The following RIMS2 variants were observed in gnomAD, a reference collection of about 807,000 sequenced individuals.
The protein encoded by RIMS2 is regulating synaptic membrane exocytosis 2, also known as regulating synaptic membrane exocytosis protein 2.
A neutral mutation model predicts 174.4 loss-of-function variants in RIMS2; 59 were observed. The ratio of observed to expected loss-of-function variants is 0.34; its 90% CI spans 0.27 to 0.42. The LOEUF is 0.42. Among genes scored for constraint, RIMS2 ranks in the 10% least tolerant of loss-of-function variants. The probability of loss-of-function intolerance (pLI) is 1.00; values close to 1 mark genes in which losing one functional copy is unlikely to be tolerated. For missense variants in RIMS2, 1,620 were observed against 1,666.3 expected (o/e 0.97, Z 0.48); for synonymous variants, 606 against 572.5 (o/e 1.06, Z -0.84).
rs979976109 is a variant in RIMS2 at position 103,560,600 on chromosome 8, T to C, written c.176+59538T>C. On this transcript the variant is annotated intron_variant, in intron 1 of 23. Transcript: ENST00000504942. ...TTGACTCAAGGAAAGGATGGAAAGG[T>C]AGCTCATATAATAATTCAAGTGTTT... 3.3e-5 allele frequency among the ~76,000 whole-genome samples: 5 copies of C among 152,292 alleles called. No individual in the cohort carries two copies. In the East Asian group the frequency reaches 9.6e-4, roughly 29 times the overall value.
intron 15 of RIMS2, among the ~76,000 whole-genome samples, chr8:103,965,615 A>T (rs1288735525): frequency 6.6e-6 from 1 of 152,016 alleles, no homozygotes; most frequent in African/African-American, 2.4e-5. Context: ...TTTCTCCCTA[A>T]TCTGTATGCA....
intron 17 of RIMS2, among the ~76,000 whole-genome samples, chr8:103,995,151 T>C (rs968333221): frequency 2.8e-4 from 43 of 152,108 alleles, no homozygotes; most frequent in African/African-American, 9.9e-4. Context: ...TATAATTATA[T>C]GAACCACTGC....
At chr8:103,686,812 G>T (rs997592458) in intron 1 of RIMS2, among the ~76,000 whole-genome samples, 4 of 151,928 alleles carry the variant, frequency 2.6e-5, no homozygotes, top group Non-Finnish European at 5.9e-5. Context: ...GCCCAGGCTG[G>T]AGTACAATGT....
chr8:103,609,645 C>T (rs201133251), intron 1 of RIMS2, among the ~76,000 whole-genome samples: 3 of 152,116 alleles, frequency 2.0e-5, no homozygotes, highest in Non-Finnish European at 4.4e-5. Flanking sequence ...CAGCTTTGTC[C>T]AAGATCAGAT....
intron 19 of RIMS2, among the ~76,000 whole-genome samples, chr8:104,055,759 A>T (rs1325627202): frequency 6.6e-6 from 1 of 152,226 alleles, no homozygotes; most frequent in Admixed American, 6.5e-5. Flanking sequence ...AGCCTAAAAG[A>T]TCCTTCTACA....
chr8:103,735,274 G>T (rs2097671540), intron 2 of RIMS2, among the ~76,000 whole-genome samples: 1 of 152,080 alleles, frequency 6.6e-6, no homozygotes, highest in Admixed American at 6.6e-5. Context: ...AGTTGAATCT[G>T]GCTGATTTTC....
At chr8:104,033,426 TAC>T (rs2096443635) in intron 19 of RIMS2, among the ~76,000 whole-genome samples, 1 of 152,084 alleles carries the variant, frequency 6.6e-6, no homozygotes. Flanking sequence ...TCATGTCCAA[TAC>T]ATGAATATGT....
chr8:104,206,630 C>T (rs1191738801), intron 19 of RIMS2, among the ~76,000 whole-genome samples: 2 of 152,194 alleles, frequency 1.3e-5, no homozygotes, highest in African/African-American at 4.8e-5. Context: ...ACTATTATCT[C>T]CTATTTACAA....
chr8:104,129,192 C>G (rs879938630), intron 19 of RIMS2, among the ~76,000 whole-genome samples: 1 of 151,730 alleles, frequency 6.6e-6, no homozygotes, highest in Non-Finnish European at 1.5e-5. Context: ...TCCAGACCAG[C>G]CTGGGCAACA....
chr8:103,965,920 T>C (rs1371655079), intron 15 of RIMS2, among the ~76,000 whole-genome samples: 1 of 152,126 alleles, frequency 6.6e-6, no homozygotes, highest in African/African-American at 2.4e-5. Context: ...TTTTTTTTTA[T>C]AGCCTGTTGA....
At chr8:103,886,280 T>C (rs2099200679) in intron 4 of RIMS2, 57 bp downstream of exon 7, 1 of 1,417,524 alleles carries the variant, frequency 7.1e-7, no homozygotes, top group Admixed American at 2.2e-5. Flanking sequence ...TTTTTTTTAA[T>C]AGATTGCATT....
chr8:104,114,338 A>T (rs1298663604), intron 19 of RIMS2, among the ~76,000 whole-genome samples: 1 of 151,990 alleles, frequency 6.6e-6, no homozygotes, highest in Admixed American at 6.6e-5. Context: ...TGTGGTTATT[A>T]CACAATTTGG....
intron 19 of RIMS2, among the ~76,000 whole-genome samples, chr8:104,043,911 A>G (rs1305364179): frequency 1.3e-5 from 2 of 151,662 alleles, no homozygotes; most frequent in African/African-American, 4.8e-5. Flanking sequence ...GATGGTAGCA[A>G]CAAGGAAGAA....
intron 2 of RIMS2, among the ~76,000 whole-genome samples, chr8:103,726,649 G>A (rs2097530123): frequency 1.3e-5 from 2 of 149,440 alleles, no homozygotes; most frequent in East Asian, 3.9e-4. Flanking sequence ...AAATTAGAAT[G>A]TTTTTGATGT....
At chr8:103,723,167 A>G (rs2097477402) in intron 2 of RIMS2, among the ~76,000 whole-genome samples, 1 of 152,108 alleles carries the variant, frequency 6.6e-6, no homozygotes. Context: ...TAAAAGGTAA[A>G]CCTTACCAAG....
chr8:104,034,624 C>T (rs951784100), intron 19 of RIMS2, among the ~76,000 whole-genome samples: 1 of 151,878 alleles, frequency 6.6e-6, no homozygotes, highest in Admixed American at 6.6e-5. Context: ...CACCCGCCAC[C>T]ACGCCTGGAT....
chr8:104,029,397 G>T (rs535305332), intron 19 of RIMS2, among the ~76,000 whole-genome samples: 1 of 152,202 alleles, frequency 6.6e-6, no homozygotes, highest in African/African-American at 2.4e-5. Context: ...GACAAAACTT[G>T]CCTAAAGTTA....
intron 14 of RIMS2, among the ~76,000 whole-genome samples, chr8:103,956,186 T>A (rs1333818475): frequency 6.6e-6 from 1 of 152,220 alleles, no homozygotes; most frequent in Non-Finnish European, 1.5e-5. Context: ...CAAAGTAATT[T>A]ATACATTTAA....
intron 19 of RIMS2, among the ~76,000 whole-genome samples, chr8:104,101,074 T>TGA (rs2097885444): frequency 7.0e-6 from 1 of 143,578 alleles, no homozygotes; most frequent in Non-Finnish European, 1.5e-5. Flanking sequence ...ATGTTATATA[T>TGA]TATATTATAT....
Sources: allele counts gnomAD v4.1 joint callset (sites outside exome capture counted in the v4.1 genomes callset), GRCh38; gene constraint gnomAD v4.1.1; transcripts MANE v1.5; gene names NCBI Gene and HGNC (gene_info 2026-07-23, HGNC 2026-07-21).